CERS6: variants seen among roughly 807,000 people sequenced by gnomAD.
CERS6 encodes LAG1 homolog, ceramide synthase 6.
In CERS6, 26 loss-of-function variants were observed where a neutral mutation model predicts 56.8. The observed-to-expected ratio is 0.46, with a 90% CI of 0.34 to 0.63. The LOEUF (loss-of-function observed/expected upper bound fraction) is 0.63. Among genes scored for constraint, CERS6 ranks in the 30% least tolerant of loss-of-function variants. The pLI, the probability that CERS6 is intolerant of heterozygous loss-of-function variation, is 0.01. For synonymous variants in CERS6, 164 were observed against 173.3 expected (o/e 0.95, Z 0.42); for missense variants, 415 against 467.5 (o/e 0.89, Z 1.04).
intron 8 of CERS6, among the ~76,000 whole-genome samples, chr2:168,760,817 G>A (rs1247978909): frequency 2.0e-5 from 3 of 151,772 alleles, no homozygotes; most frequent in Admixed American, 1.3e-4. Flanking sequence ...GTGCAGTGGC[G>A]CGATCTCGGC....
chr2:168,593,761 C>G (rs1238279491), intron 3 of CERS6, among the ~76,000 whole-genome samples: 2 of 152,078 alleles, frequency 1.3e-5, no homozygotes, highest in Non-Finnish European at 1.5e-5. Context: ...CTTTTAGAAC[C>G]TAATAAAATA....
intron 4 of CERS6, among the ~76,000 whole-genome samples, chr2:168,686,451 C>CA (rs370352582): frequency 0.098 from 13,670 of 139,574 alleles, 886 homozygotes; most frequent in African/African-American, 0.17. Context: ...TTAACCAAGG[C>CA]AAAAAAAAAA....
At chr2:168,516,111 CT>C (rs1394948516) in intron 1 of CERS6, among the ~76,000 whole-genome samples, 1 of 152,174 alleles carries the variant, frequency 6.6e-6, no homozygotes, top group Non-Finnish European at 1.5e-5. Flanking sequence ...TTCAAAACCA[CT>C]TACATTTTCC....
At chr2:168,489,523 T>A (rs13429682) in intron 1 of CERS6, among the ~76,000 whole-genome samples, 3,279 of 151,534 alleles carry the variant, frequency 0.022, 107 homozygotes, top group African/African-American at 0.076. Flanking sequence ...TAGAACTTTG[T>A]GATATTTTCC....
intron 1 of CERS6, among the ~76,000 whole-genome samples, chr2:168,506,329 G>T (rs1574030134): frequency 1.3e-5 from 2 of 152,026 alleles, no homozygotes; most frequent in East Asian, 3.9e-4. Context: ...CAGTCGACCT[G>T]ATGTGGCAAA....
At chr2:168,745,258 T>G (rs1684063342) in intron 8 of CERS6, among the ~76,000 whole-genome samples, 1 of 151,912 alleles carries the variant, frequency 6.6e-6, no homozygotes, top group Admixed American at 6.6e-5. Flanking sequence ...TTTTTTTTTT[T>G]TTAGACGGAG....
chr2:168,554,256 T>A (rs1165542464), intron 2 of CERS6, among the ~76,000 whole-genome samples: 4 of 152,160 alleles, frequency 2.6e-5, no homozygotes, highest in African/African-American at 9.7e-5. Context: ...TTAATACACA[T>A]AAATGGACTT....
intron 3 of CERS6, among the ~76,000 whole-genome samples, chr2:168,613,132 G>A (rs1249892648): frequency 6.6e-6 from 1 of 152,212 alleles, no homozygotes; most frequent in Non-Finnish European, 1.5e-5. Flanking sequence ...AAGGACCTGG[G>A]ACATTGAGTG....
At chr2:168,503,122 G>C (rs1220220448) in intron 1 of CERS6, among the ~76,000 whole-genome samples, 1 of 152,084 alleles carries the variant, frequency 6.6e-6, no homozygotes, top group Non-Finnish European at 1.5e-5. Flanking sequence ...GGTTTTATAA[G>C]AGGCTCTTTC....
rs185557204 is a variant in CERS6, at chr2:168,466,465, C to T, written c.170+9847C>T. Among the ~76,000 whole-genome samples the T allele has an allele frequency of 2.0e-3, 309 of 152,204 alleles. 4 individuals are homozygous for T. Among genetic ancestry groups the T allele is most frequent in the Non-Finnish European group, 3.1e-3 (208 of 68,006 alleles). On this transcript the variant is annotated intron_variant, in intron 1 of 9. Transcript: ENST00000305747. ...CTCCCTAGCTTTCAGTTTAATTTTC[C>T]ATGCATTTTACAAGCAAATGATTCA...
intron 8 of CERS6, among the ~76,000 whole-genome samples, chr2:168,762,096 A>T (rs1361357651): frequency 6.6e-6 from 1 of 152,112 alleles, no homozygotes; most frequent in Non-Finnish European, 1.5e-5. Flanking sequence ...TGAGTGCAGC[A>T]AACCACCATG....
intron 4 of CERS6, among the ~76,000 whole-genome samples, chr2:168,667,732 C>A (rs953175621): frequency 6.6e-6 from 1 of 152,026 alleles, no homozygotes; most frequent in Admixed American, 6.6e-5. Flanking sequence ...TGTGAGCCTC[C>A]GTTAATTAAG....
intron 3 of CERS6, among the ~76,000 whole-genome samples, chr2:168,625,822 A>T (rs1041568058): frequency 6.6e-6 from 1 of 152,156 alleles, no homozygotes; most frequent in East Asian, 1.9e-4. Flanking sequence ...TGTTTTAGCT[A>T]CCCTGGTATT....
intron 6 of CERS6, among the ~76,000 whole-genome samples, chr2:168,700,210 C>T (rs151172544): frequency 5.4e-4 from 82 of 152,280 alleles, no homozygotes; most frequent in African/African-American, 1.9e-3. Context: ...TGACTTTTTG[C>T]GGAGAATAAC....
chr2:168,498,564 G>A (rs1216440854), intron 1 of CERS6, among the ~76,000 whole-genome samples: 2 of 152,214 alleles, frequency 1.3e-5, no homozygotes, highest in Non-Finnish European at 2.9e-5. Flanking sequence ...TGTGCAGTAG[G>A]CTAACGTGTA....
At chr2:168,734,545 C>T (rs117398720) in intron 8 of CERS6, among the ~76,000 whole-genome samples, 1 of 152,218 alleles carries the variant, frequency 6.6e-6, no homozygotes, top group Non-Finnish European at 1.5e-5. Flanking sequence ...AAAAGACAGA[C>T]AGACACGCAC....
chr2:168,468,520 G>A (rs1693922614), intron 1 of CERS6, among the ~76,000 whole-genome samples: 1 of 152,186 alleles, frequency 6.6e-6, no homozygotes, highest in African/African-American at 2.4e-5. Context: ...TTGCTGTGAG[G>A]ATTAAATGAG....
At chr2:168,670,969 C>A (rs1173408077) in intron 4 of CERS6, among the ~76,000 whole-genome samples, 1 of 36,788 alleles carries the variant, frequency 2.7e-5, no homozygotes, top group African/African-American at 5.4e-5. Context: ...ACATGCTTCC[C>A]CCCCCCCCCC....
intron 8 of CERS6, among the ~76,000 whole-genome samples, chr2:168,754,122 TCA>T (rs1684355565): frequency 6.6e-6 from 1 of 151,982 alleles, no homozygotes; most frequent in Admixed American, 6.6e-5. Flanking sequence ...GTGTTAAGTA[TCA>T]GAGTCCAGAG....
Sources: gnomAD v4.1 joint callset for allele counts (sites outside exome capture counted in the v4.1 genomes callset) on GRCh38, gnomAD v4.1.1 for gene constraint, MANE v1.5 for transcripts, NCBI Gene and HGNC (gene_info 2026-07-23, HGNC 2026-07-21) for gene names.